Variants in USP43 observed in about 807,000 individuals in gnomAD.
USP43 encodes the protein ubiquitin specific peptidase 43, also known as ubiquitin carboxyl-terminal hydrolase 43.
A neutral mutation model predicts 90.7 loss-of-function variants in USP43; 33 were observed. The ratio of observed to expected loss-of-function variants is 0.36; its 90% CI spans 0.28 to 0.49. The LOEUF (loss-of-function observed/expected upper bound fraction) is 0.49. USP43 is among the 20% of genes least tolerant of loss of function. USP43 has a pLI of 0.98. For missense variants in USP43, 1,274 were observed against 1,476.4 expected (o/e 0.86, Z 2.25); for synonymous variants, 598 against 615.8 (o/e 0.97, Z 0.43).
At chr17:9,721,258 A>G (rs1358485787) in intron 14 of USP43, among the ~76,000 whole-genome samples, 1 of 152,088 alleles carries the variant, frequency 6.6e-6, no homozygotes, top group East Asian at 1.9e-4. Context: ...AGTTTCCTCT[A>G]TGGCTTTTAT....
chr17:9,728,064 C>T lies in USP43; in HGVS notation c.2446C>T (p.Arg816Trp), dbSNP rs747740075. ...KQGPFKTMPLRWSFGSKEKPP... is the reference protein window; with the variant it reads ...KQGPFKTMPLWWSFGSKEKPP... ...GGGACCATTCAAGACCATGCCTCTG[C>T]GGTGGTCCTTTGGATCCAAGGAGAA... Residue 816 changes from arginine (R) to tryptophan (W), a missense_variant, in exon 15 of 15, where the codon CGG becomes TGG. Around this residue, in one of 6 missense-constraint regions of USP43, gnomAD observed 285 missense variants for 349.6 expected, o/e 0.82. Coordinates refer to ENST00000285199, the MANE Select transcript of USP43 (RefSeq NM_153210.5). This position sits in a 1 kb window ranked among gnomAD's most constrained non-coding sequence, Gnocchi z 6.2. 122 of 1,613,794 alleles carry T rather than the reference C, an allele frequency of 7.6e-5. 1 individual carries two copies. The Admixed American group carries it at 1.3e-3, about 17-fold the overall frequency.
chr17:9,671,070 G>A (rs909697114), intron 3 of USP43, among the ~76,000 whole-genome samples: 3 of 152,144 alleles, frequency 2.0e-5, no homozygotes, highest in Non-Finnish European at 4.4e-5. Flanking sequence ...TTAATTCAGA[G>A]GCATCTTCCC....
intron 7 of USP43, among the ~76,000 whole-genome samples, chr17:9,685,398 A>C (rs9906593): frequency 0.32 from 49,265 of 152,078 alleles, 9,345 homozygotes; most frequent in East Asian, 0.63. Context: ...ATACCATCCC[A>C]GTGATGAGAA....
rs773610064 is a variant in USP43 at position 9,728,356 on chromosome 17, G to T, written c.2738G>T (p.Arg913Met). Residue 913 changes from arginine to methionine, a missense_variant, in exon 15 of 15, where the codon AGG becomes ATG. Physicochemically the swap from Arg to Met is moderately conservative, Grantham distance 91. Transcript: ENST00000285199. The surrounding 1 kb of genome is among the most constrained non-coding windows in gnomAD (Gnocchi z 6.2). Reference sequence around the variant, plus strand: ...AACTCAGATGGTCCAAACACAGCAAGGAAACTCAAGGAAAATGCAGGGCAG... The same window carrying T: ...AACTCAGATGGTCCAAACACAGCAATGAAACTCAAGGAAAATGCAGGGCAG... ...PGNSDGPNTA[R>M]KLKENAGQDI... 1.3e-5 allele frequency: 21 copies of T among 1,609,960 alleles called. No individual in the cohort carries two copies. The highest frequency in any genetic ancestry group is 5.1e-5 in the Admixed American group (3 of 59,284).
chr17:9,673,680 G>A (rs1913586366), intron 3 of USP43, among the ~76,000 whole-genome samples: 1 of 152,206 alleles, frequency 6.6e-6, no homozygotes, highest in South Asian at 2.1e-4. Context: ...ATATGAGCAC[G>A]GAGTCTGGAA....
chr17:9,711,597 T>C (rs967253584), intron 13 of USP43, among the ~76,000 whole-genome samples: 1 of 151,970 alleles, frequency 6.6e-6, no homozygotes, highest in African/African-American at 2.4e-5. Context: ...GCCCAGCTAA[T>C]TTTTTGTATT....
At chr17:9,720,788 G>T (rs533510003) in intron 14 of USP43, among the ~76,000 whole-genome samples, 3 of 152,174 alleles carry the variant, frequency 2.0e-5, no homozygotes, top group African/African-American at 7.2e-5. Context: ...ACGCCCAGCC[G>T]GGTTTTTTTG....
intron 1 of USP43, among the ~76,000 whole-genome samples, chr17:9,652,947 T>A (rs1911976884): frequency 6.6e-6 from 1 of 152,232 alleles, no homozygotes; most frequent in Non-Finnish European, 1.5e-5. Flanking sequence ...TTTTGCATTT[T>A]TTCTTCTATG....
chr17:9,684,836 A>G (rs1914509581), intron 7 of USP43, among the ~76,000 whole-genome samples: 1 of 151,884 alleles, frequency 6.6e-6, no homozygotes, highest in African/African-American at 2.4e-5. Flanking sequence ...GCAAGATACT[A>G]TTCTTAACCT....
At chr17:9,654,496 A>G (rs113568397) in intron 1 of USP43, among the ~76,000 whole-genome samples, 2,276 of 152,138 alleles carry the variant, frequency 0.015, 49 homozygotes, top group African/African-American at 0.05. Context: ...CTGAAAATAC[A>G]AACATTAGCT....
At chr17:9,727,931 G>A (rs757787859) in intron 14 of USP43, 23 bp from the exon 15 acceptor site, 4 of 1,581,470 alleles carry the variant, frequency 2.5e-6, no homozygotes, top group East Asian at 4.5e-5. Flanking sequence ...CTTGTACACT[G>A]ACAGTCTCTC....
chr17:9,728,969 C>T lies in USP43; in HGVS notation c.3351C>T (p.Thr1117=). The T allele has an allele frequency of 6.3e-7, 1 of 1,577,112 alleles. No homozygotes were observed. Among genetic ancestry groups the T allele is most frequent in the East Asian group, 2.3e-5 (1 of 44,256 alleles). ...YHTLSLGRKK[T]LPESSF ...CTCTTTCTTTAGGTCGAAAGAAAAC[C>T]TTACCGGAGTCCAGCTTTTGATGGA... The change falls in exon 15 of 15, where the codon ACC becomes ACT. Residue 1117 remains threonine, a synonymous_variant. Coordinates refer to ENST00000285199, the MANE Select transcript of USP43 (RefSeq NM_153210.5). This position sits in a 1 kb window ranked among gnomAD's most constrained non-coding sequence, Gnocchi z 6.2.
intron 14 of USP43, among the ~76,000 whole-genome samples, chr17:9,713,408 A>G (rs528349628): frequency 1.8e-4 from 27 of 151,872 alleles, no homozygotes; most frequent in Non-Finnish European, 2.9e-4. Context: ...CTATCAACCC[A>G]CCTCTCTTCA....
At chr17:9,715,537 T>G (rs557455472) in intron 14 of USP43, among the ~76,000 whole-genome samples, 4 of 150,556 alleles carry the variant, frequency 2.7e-5, no homozygotes, top group Non-Finnish European at 5.9e-5. Context: ...TATGTCTGTG[T>G]GTGTGTCTGT....
Position 9,645,533 on chromosome 17 carries a change from T to C in USP43, c.-100T>C. On this transcript the variant is annotated 5_prime_UTR_variant, in exon 1 of 15. Coordinates refer to ENST00000285199, the MANE Select transcript of USP43 (RefSeq NM_153210.5). This position sits in a 1 kb window ranked among gnomAD's most constrained non-coding sequence, Gnocchi z 6.8. ...CGTCCCCGCACACCTGGCCCGCAGGTAGCCGGCACCAGGAGCCTTAGAGAA... is the reference window on the plus strand; with the variant it reads ...CGTCCCCGCACACCTGGCCCGCAGGCAGCCGGCACCAGGAGCCTTAGAGAA... 1.9e-6 allele frequency: 2 copies of C among 1,073,040 alleles called. No individual in the cohort carries two copies. The highest frequency in any genetic ancestry group is 9.4e-5 in the South Asian group (2 of 21,338). The allele number at this position is 1,073,040 out of a possible 1,614,324, so 66.5% of individuals were successfully genotyped here. A position where few individuals can be genotyped will look rare whatever the true frequency, so the allele number is the denominator to read the frequency against.
chr17:9,721,720 A>ATTTTTT (rs11340592), intron 14 of USP43, among the ~76,000 whole-genome samples: 15 of 119,064 alleles, frequency 1.3e-4, no homozygotes, highest in East Asian at 5.1e-4. Flanking sequence ...GTATAGCTGT[A>ATTTTTT]TTTTTTTTTT....
At chr17:9,693,615 T>A (rs892826428) in intron 9 of USP43, among the ~76,000 whole-genome samples, 3 of 152,022 alleles carry the variant, frequency 2.0e-5, no homozygotes, top group African/African-American at 4.8e-5. Context: ...GTGGGTGGAT[T>A]GCCTGGGGTC....
chr17:9,677,461 A>G (rs1231244189), intron 5 of USP43, among the ~76,000 whole-genome samples: 2 of 152,248 alleles, frequency 1.3e-5, no homozygotes, highest in South Asian at 4.1e-4. Flanking sequence ...CTGAGGATGT[A>G]TAACATGAGA....
chr17:9,716,333 A>G (rs1026016931), intron 14 of USP43, among the ~76,000 whole-genome samples: 1 of 152,162 alleles, frequency 6.6e-6, no homozygotes, highest in African/African-American at 2.4e-5. Context: ...TTAATCCTTC[A>G]ATACTTAAAG....
Sources: gnomAD v4.1 joint callset for allele counts (sites outside exome capture counted in the v4.1 genomes callset) on GRCh38, gnomAD v4.1.1 for gene constraint, gnomAD v4.1.1 regional missense constraint, Gnocchi (gnomAD v3.1) non-coding constraint, MANE v1.5 for transcripts, NCBI Gene and HGNC (gene_info 2026-07-23, HGNC 2026-07-21) for gene names.